Variants in CPQ observed in about 807,000 individuals in gnomAD.
The protein encoded by CPQ is carboxypeptidase Q.
In CPQ, 37 loss-of-function variants were observed where a neutral mutation model predicts 45.7. The observed-to-expected ratio is 0.81, with a 90% CI of 0.62 to 1.07. CPQ has a LOEUF of 1.07. Ranked by LOEUF, CPQ falls within the 50% of genes least tolerant of loss-of-function variation. The pLI is 0.00. For missense variants in CPQ, 537 were observed against 572.9 expected, an observed-to-expected ratio of 0.94 and a Z score of 0.64; for synonymous variants, 186 against 205.8, an observed-to-expected ratio of 0.90 and a Z score of 0.82.
intron 5 of CPQ, among the ~76,000 whole-genome samples, chr8:97,005,449 C>T (rs527495160): frequency 2.6e-5 from 4 of 151,932 alleles, no homozygotes; most frequent in South Asian, 4.2e-4. Context: ...CGCCTGTAAT[C>T]CCAGAACTTT....
At chr8:96,703,177 A>G (rs1809490388) in intron 1 of CPQ, among the ~76,000 whole-genome samples, 1 of 152,196 alleles carries the variant, frequency 6.6e-6, no homozygotes, top group Non-Finnish European at 1.5e-5. Flanking sequence ...TCTCTAATTC[A>G]GTGTTTGTGA....
chr8:97,040,816 G>C (rs1408025227), intron 6 of CPQ, among the ~76,000 whole-genome samples: 1 of 152,118 alleles, frequency 6.6e-6, no homozygotes. Context: ...TTATTTCTGA[G>C]GGCTCTGTTC....
At chr8:96,698,206 G>A (rs1809411604) in intron 1 of CPQ, among the ~76,000 whole-genome samples, 1 of 151,994 alleles carries the variant, frequency 6.6e-6, no homozygotes, top group African/African-American at 2.4e-5. Context: ...CATCTATGGT[G>A]AATTTATTTT....
At chr8:96,985,781 C>T (rs926962125) in intron 5 of CPQ, among the ~76,000 whole-genome samples, 1 of 152,152 alleles carries the variant, frequency 6.6e-6, no homozygotes, top group Non-Finnish European at 1.5e-5. Flanking sequence ...AATGTATCTC[C>T]AGATTTTGCT....
chr8:97,077,514 A>G (rs1487569379), intron 7 of CPQ, among the ~76,000 whole-genome samples: 1 of 152,134 alleles, frequency 6.6e-6, no homozygotes, highest in African/African-American at 2.4e-5. Flanking sequence ...ATTTGTTTAC[A>G]TTTCTCTCAT....
chr8:96,768,160 T>G (rs1483532113), intron 1 of CPQ, among the ~76,000 whole-genome samples: 1 of 152,200 alleles, frequency 6.6e-6, no homozygotes, highest in African/African-American at 2.4e-5. Flanking sequence ...TGAATGTTCT[T>G]TCTCCTCAGT....
intron 5 of CPQ, among the ~76,000 whole-genome samples, chr8:96,974,373 C>T (rs183616821): frequency 2.7e-3 from 412 of 152,224 alleles, no homozygotes; most frequent in Non-Finnish European, 4.5e-3. Flanking sequence ...ATTTATGAAA[C>T]AATTACTATT....
intron 1 of CPQ, among the ~76,000 whole-genome samples, chr8:96,756,802 G>A (rs1030289544): frequency 1.3e-5 from 2 of 152,020 alleles, no homozygotes; most frequent in Non-Finnish European, 2.9e-5. Flanking sequence ...CTATTTCTAG[G>A]TCTGTTTCAA....
chr8:96,658,069 G>A (rs117513828), intron 1 of CPQ, among the ~76,000 whole-genome samples: 2 of 152,224 alleles, frequency 1.3e-5, no homozygotes, highest in East Asian at 3.9e-4. Context: ...AAAACACCTG[G>A]CTATTCTTTT....
At chr8:96,769,297 T>G (rs1810509943) in intron 1 of CPQ, among the ~76,000 whole-genome samples, 1 of 152,170 alleles carries the variant, frequency 6.6e-6, no homozygotes, top group South Asian at 2.1e-4. Flanking sequence ...ATTTTTGAGT[T>G]CTCTCAGATC....
chr8:96,743,708 G>A (rs1810129431), intron 1 of CPQ, among the ~76,000 whole-genome samples: 1 of 152,200 alleles, frequency 6.6e-6, no homozygotes, highest in Admixed American at 6.5e-5. Flanking sequence ...AGGACCCTCA[G>A]CTGCAGGTCT....
chr8:96,830,548 TA>T (rs1811442402), intron 2 of CPQ, among the ~76,000 whole-genome samples: 1 of 152,168 alleles, frequency 6.6e-6, no homozygotes, highest in African/African-American at 2.4e-5. Context: ...ATTTTTATAA[TA>T]TTTTTGTGAT....
chr8:97,021,856 GCAAA>G (rs753510327), intron 5 of CPQ, among the ~76,000 whole-genome samples: 113 of 151,340 alleles, frequency 7.5e-4, no homozygotes, highest in African/African-American at 2.3e-3. Context: ...GAATTTAAAA[GCAAA>G]CAAACAAACA....
At chr8:96,760,169 T>C (rs1445967963) in intron 1 of CPQ, among the ~76,000 whole-genome samples, 1 of 152,172 alleles carries the variant, frequency 6.6e-6, no homozygotes, top group African/African-American at 2.4e-5. Context: ...GATTACGAGC[T>C]CTCCTTGTGA....
At chr8:96,823,787 T>G (rs1041058126) in intron 2 of CPQ, among the ~76,000 whole-genome samples, 4 of 151,992 alleles carry the variant, frequency 2.6e-5, no homozygotes, top group African/African-American at 9.7e-5. Context: ...AGTAAAACAT[T>G]TAGAGCAGTG....
At chr8:97,054,071 T>A (rs371424738) in intron 6 of CPQ, among the ~76,000 whole-genome samples, 3 of 152,114 alleles carry the variant, frequency 2.0e-5, no homozygotes, top group Non-Finnish European at 4.4e-5. Flanking sequence ...CAGACTTTCA[T>A]GTGGAGAGGT....
chr8:96,713,651 G>A (rs533446030), intron 1 of CPQ, among the ~76,000 whole-genome samples: 1 of 152,212 alleles, frequency 6.6e-6, no homozygotes, highest in East Asian at 1.9e-4. Flanking sequence ...ACCTCCCACT[G>A]GGTTCCTTCC....
chr8:96,976,262 A>C (rs1422614575), intron 5 of CPQ, among the ~76,000 whole-genome samples: 8 of 151,080 alleles, frequency 5.3e-5, no homozygotes, highest in Non-Finnish European at 8.9e-5. Flanking sequence ...AAAAAAAAAA[A>C]AAAAAAAAAA....
At chr8:96,989,528 G>T (rs927779503) in intron 5 of CPQ, among the ~76,000 whole-genome samples, 2 of 151,276 alleles carry the variant, frequency 1.3e-5, no homozygotes, top group East Asian at 3.9e-4. Context: ...GAGGAGAGGA[G>T]AGAGGAGAGG....
Sources: allele counts gnomAD v4.1 joint callset (sites outside exome capture counted in the v4.1 genomes callset), GRCh38; gene constraint gnomAD v4.1.1; transcripts MANE v1.5; gene names NCBI Gene and HGNC (gene_info 2026-07-23, HGNC 2026-07-21).